SNX8: variants seen among roughly 807,000 people sequenced by gnomAD.
SNX8 encodes sorting nexin 8, also known as sorting nexin-8.
A neutral mutation model predicts 51.6 loss-of-function variants in SNX8; 25 were observed. The ratio of observed to expected loss-of-function variants is 0.48; its 90% CI spans 0.35 to 0.68. SNX8 has a LOEUF of 0.68. SNX8 is among the 30% of genes least tolerant of loss of function. SNX8 has a pLI of 0.00. For synonymous variants in SNX8, 324 were observed against 277.0 expected, an observed-to-expected ratio of 1.17 and a Z score of -1.68; for missense variants, 695 against 624.0, an observed-to-expected ratio of 1.11 and a Z score of -1.21.
chr7:2,287,158 T>C (rs1796048669), intron 1 of SNX8, among the ~76,000 whole-genome samples: 1 of 150,088 alleles, frequency 6.7e-6, no homozygotes, highest in African/African-American at 2.5e-5. Flanking sequence ...ATAATAATAA[T>C]TTTTCATAGA....
At chr7:2,266,624 C>T (rs1374826049) in intron 5 of SNX8, among the ~76,000 whole-genome samples, 3 of 152,008 alleles carry the variant, frequency 2.0e-5, no homozygotes, top group Admixed American at 2.0e-4. Context: ...GGATTACAGG[C>T]GTAAGCCACC....
intron 1 of SNX8, among the ~76,000 whole-genome samples, chr7:2,289,128 G>A (rs948965161): frequency 6.6e-6 from 1 of 152,154 alleles, no homozygotes; most frequent in African/African-American, 2.4e-5. Context: ...TGTTGTGCAC[G>A]TGGCTGTGGG....
rs1795661042 is a variant in SNX8, at chr7:2,272,063, G to A, written c.419-92C>T. 5.8e-6 allele frequency: 9 copies of A among 1,550,814 alleles called. No individual in the cohort carries two copies. The South Asian group carries it at 8.2e-5, about 14-fold the overall frequency. Reference sequence around the variant, plus strand: ...AGTTCTCAAAACTCTCCCTAGAGGTGGCAGAGGGCCCAGCGGCTAGCAGAG... The same window carrying A: ...AGTTCTCAAAACTCTCCCTAGAGGTAGCAGAGGGCCCAGCGGCTAGCAGAG... On this transcript the variant is annotated intron_variant, in intron 3 of 10. Transcript: ENST00000222990.
chr7:2,263,487 G>A, intron 6 of SNX8, 125 bp from the exon 7 acceptor site: 4 of 958,584 alleles, frequency 4.2e-6, no homozygotes, highest in Non-Finnish European at 4.6e-6. Context: ...CTAGGACCCT[G>A]CTGCTCAAAG....
At chr7:2,273,744 A>G (rs1262581407) in intron 3 of SNX8, among the ~76,000 whole-genome samples, 2 of 148,046 alleles carry the variant, frequency 1.4e-5, no homozygotes, top group African/African-American at 5.0e-5. Flanking sequence ...TCTACTAAAA[A>G]TACAAAAAAA....
chr7:2,282,716 C>G (rs1293821129), intron 1 of SNX8, among the ~76,000 whole-genome samples: 2 of 152,202 alleles, frequency 1.3e-5, no homozygotes, highest in Non-Finnish European at 2.9e-5. Context: ...GTGGCTCACG[C>G]CTGAATTCCC....
At chr7:2,294,481 G>A (rs1796226737) in intron 1 of SNX8, among the ~76,000 whole-genome samples, 1 of 152,138 alleles carries the variant, frequency 6.6e-6, no homozygotes, top group Non-Finnish European at 1.5e-5. Context: ...CTGTAAGTAG[G>A]TACATTTGTG....
At chr7:2,330,883 A>G (rs1778720718) in intron 1 of SNX8, among the ~76,000 whole-genome samples, 1 of 152,104 alleles carries the variant, frequency 6.6e-6, no homozygotes, top group South Asian at 2.1e-4. Context: ...CCAATATAAT[A>G]TACACAGAAA....
At chr7:2,336,544 T>C (rs1355115207) in intron 1 of SNX8, among the ~76,000 whole-genome samples, 1 of 151,256 alleles carries the variant, frequency 6.6e-6, no homozygotes, top group Non-Finnish European at 1.5e-5. Flanking sequence ...CCTTCTCTAC[T>C]AAAAATACAA....
intron 1 of SNX8, among the ~76,000 whole-genome samples, chr7:2,304,475 C>T (rs1796501602): frequency 6.6e-6 from 1 of 151,734 alleles, no homozygotes; most frequent in Non-Finnish European, 1.5e-5. Context: ...ACCCGGGAGG[C>T]GGAGCTTGCA....
In SNX8 at chr7:2,263,305, C is replaced by T. The variant is rs777741321; in HGVS notation, c.840G>A (p.Thr280=). 5.0e-6 allele frequency: 8 copies of T among 1,613,672 alleles called. No individual in the cohort carries two copies. The highest frequency in any genetic ancestry group is 2.7e-5 in the African/African-American group (2 of 74,950). ...LPSWAALNSS[T]WGSLKQALKG... ...TCAGAGCCTGCTTCAGGGACCCCCA[C>T]GTGCTGCTATTCAGAGCGGCCCAGG... is the stretch of plus-strand genomic sequence containing the variant. Residue 280 remains threonine (T), a synonymous_variant, in exon 7 of 11, where the codon ACG becomes ACA. Coordinates refer to ENST00000222990, the MANE Select transcript of SNX8 (RefSeq NM_013321.4).
intron 1 of SNX8, among the ~76,000 whole-genome samples, chr7:2,352,586 A>C (rs545058559): frequency 3.9e-5 from 6 of 152,270 alleles, no homozygotes; most frequent in African/African-American, 1.4e-4. Context: ...TAATCCCAGC[A>C]CTTTGGGAGG....
chr7:2,264,228 C>A lies in SNX8; in HGVS notation c.782+70G>T. 5 of 1,479,454 alleles carry A rather than the reference C, an allele frequency of 3.4e-6. No homozygotes were observed. In the Admixed American group the frequency reaches 8.9e-5, roughly 26 times the overall value. 91.6% of individuals were successfully genotyped at this position (1,479,454 alleles called of 1,614,324 possible). A position where few individuals can be genotyped will look rare whatever the true frequency, so the allele number is the denominator to read the frequency against. On this transcript the variant is annotated intron_variant, in intron 6 of 10. Coordinates refer to ENST00000222990, the MANE Select transcript of SNX8 (RefSeq NM_013321.4). ...TTATTACGGTAAACGCACTTTCCGC[C>A]CAAGCCCTTCACCAGCATGGATTCC... is the stretch of plus-strand genomic sequence containing the variant.
At position 2,256,856 on chromosome 7, in the gene SNX8, G is replaced by GGGGCC. The variant is rs1554261477; in HGVS notation, c.1284+17_1284+18insGGCCC. 1.3e-6 allele frequency: 2 copies of GGGGCC among 1,598,900 alleles called. No homozygotes were observed. The highest frequency in any genetic ancestry group is 2.2e-5 in the South Asian group (2 of 89,972). ...AAAGGCCGTGGCCGAGACGGCGGCC[G>GGGGCC]GAGCAGGGCGGACTCACCTCCTTGT... On this transcript the variant is annotated intron_variant, in intron 10 of 10. Transcript: ENST00000222990.
chr7:2,255,932 G>T (rs1331982306), intron 10 of SNX8, among the ~76,000 whole-genome samples: 3 of 152,200 alleles, frequency 2.0e-5, no homozygotes, highest in Non-Finnish European at 2.9e-5. Flanking sequence ...CACCCTGGGG[G>T]CCTGCAGGGG....
intron 1 of SNX8, among the ~76,000 whole-genome samples, chr7:2,350,306 G>T (rs1039377613): frequency 6.6e-6 from 1 of 152,158 alleles, no homozygotes; most frequent in Non-Finnish European, 1.5e-5. Context: ...CCAGTCTCCG[G>T]GCTCAGGCAG....
intron 1 of SNX8, among the ~76,000 whole-genome samples, chr7:2,342,641 G>A (rs1319072498): frequency 2.7e-5 from 4 of 149,842 alleles, no homozygotes; most frequent in African/African-American, 7.4e-5. Context: ...GCGACAGAGC[G>A]AGACTCCATC....
intron 1 of SNX8, among the ~76,000 whole-genome samples, chr7:2,307,148 C>G (rs577044742): frequency 9.9e-5 from 15 of 152,236 alleles, no homozygotes; most frequent in African/African-American, 3.6e-4. Flanking sequence ...ACCAGATCCT[C>G]CCGGAGCTGA....
At chr7:2,287,174 G>C (rs540166388) in intron 1 of SNX8, among the ~76,000 whole-genome samples, 2 of 151,186 alleles carry the variant, frequency 1.3e-5, no homozygotes, top group South Asian at 4.2e-4. Context: ...ATAGAGATAG[G>C]GTCTCGCCAT....
Sources: allele counts gnomAD v4.1 joint callset (sites outside exome capture counted in the v4.1 genomes callset), GRCh38; gene constraint gnomAD v4.1.1; transcripts MANE v1.5; gene names NCBI Gene and HGNC (gene_info 2026-07-23, HGNC 2026-07-21).